TUNAR: variants seen among roughly 807,000 people sequenced by gnomAD.
The protein encoded by TUNAR is transmembrane neural differentiation associated intracellular calcium regulator.
intron 2 of TUNAR, among the ~76,000 whole-genome samples, chr14:95,917,842 C>G (rs1233834651): frequency 6.6e-6 from 1 of 152,142 alleles, no homozygotes; most frequent in Non-Finnish European, 1.5e-5. Flanking sequence ...TTGAAGTGTA[C>G]AGTTTCATGG....
intron 2 of TUNAR, among the ~76,000 whole-genome samples, chr14:95,879,718 T>TC (rs55911033): frequency 1.3e-5 from 2 of 152,160 alleles, no homozygotes; most frequent in African/African-American, 4.8e-5. Flanking sequence ...TTTTTTTTTT[T>TC]CTGTAAGATC....
At chr14:95,884,969 A>G (rs536515202) in intron 2 of TUNAR, among the ~76,000 whole-genome samples, 203 of 152,262 alleles carry the variant, frequency 1.3e-3, no homozygotes, top group African/African-American at 4.6e-3. Context: ...CTGCACTCGA[A>G]AGGATCAATC....
intron 2 of TUNAR, among the ~76,000 whole-genome samples, chr14:95,909,998 T>A (rs911780227): frequency 3.3e-5 from 5 of 152,030 alleles, no homozygotes; most frequent in Admixed American, 2.0e-4. Context: ...TGGGGGGCAT[T>A]TGAGGGCAGG....
intron 2 of TUNAR, among the ~76,000 whole-genome samples, chr14:95,898,813 C>A (rs191271696): frequency 1.3e-5 from 2 of 152,266 alleles, no homozygotes; most frequent in Non-Finnish European, 2.9e-5. Context: ...TTTCTGTCTC[C>A]TCTAAGGTCA....
intron 2 of TUNAR, among the ~76,000 whole-genome samples, chr14:95,886,162 A>G (rs747334185): frequency 2.6e-5 from 4 of 152,226 alleles, no homozygotes; most frequent in Non-Finnish European, 5.9e-5. Flanking sequence ...CAATGCTCCC[A>G]GACCTACATC....
chr14:95,921,499 G>T (rs1318575746), intron 2 of TUNAR, among the ~76,000 whole-genome samples: 1 of 152,210 alleles, frequency 6.6e-6, no homozygotes, highest in Non-Finnish European at 1.5e-5. Context: ...CTCCTGGATG[G>T]CCATGTTTTC....
chr14:95,899,545 T>C (rs976351359), intron 2 of TUNAR, among the ~76,000 whole-genome samples: 1 of 152,232 alleles, frequency 6.6e-6, no homozygotes, highest in Non-Finnish European at 1.5e-5. Flanking sequence ...CAAAATAGCA[T>C]AAATTGAGTG....
In TUNAR at chr14:95,911,798, A is replaced by G. The variant is rs139826262; in HGVS notation, c.13-10983A>G. ...CGGAATGTCTGGTACCTTTTAGCAC[A>G]TCAGGGAGCAAAGATTTAGTTCTGA... On this transcript the variant is annotated intron_variant, in intron 2 of 2. Transcript: ENST00000678517. Among the ~76,000 whole-genome samples, 34 of 152,352 alleles carry G rather than the reference A, an allele frequency of 2.2e-4. No homozygotes were observed. In the East Asian group the frequency reaches 6.5e-3, roughly 29 times the overall value.
intron 2 of TUNAR, among the ~76,000 whole-genome samples, chr14:95,897,054 C>T (rs966994271): frequency 6.6e-5 from 10 of 152,214 alleles, no homozygotes; most frequent in Non-Finnish European, 1.2e-4. Flanking sequence ...TTAACACATG[C>T]ACATTGTCAC....
intron 2 of TUNAR, among the ~76,000 whole-genome samples, chr14:95,877,556 CT>C (rs1888909326): frequency 6.6e-6 from 1 of 152,174 alleles, no homozygotes; most frequent in Non-Finnish European, 1.5e-5. Flanking sequence ...GTCCCCGTTT[CT>C]CCTTGGCCCA....
At chr14:95,908,343 G>T (rs1456060122) in intron 2 of TUNAR, among the ~76,000 whole-genome samples, 2 of 152,190 alleles carry the variant, frequency 1.3e-5, no homozygotes. Flanking sequence ...CAGTGGGGTG[G>T]GGCTCCTGCC....
At chr14:95,913,552 C>G (rs1889553726) in intron 2 of TUNAR, among the ~76,000 whole-genome samples, 1 of 152,104 alleles carries the variant, frequency 6.6e-6, no homozygotes, top group Admixed American at 6.5e-5. Flanking sequence ...AGTGGCTTGG[C>G]AAGGGACAAA....
At chr14:95,915,791 CAAGTGT>C (rs1889595803) in intron 2 of TUNAR, among the ~76,000 whole-genome samples, 1 of 152,222 alleles carries the variant, frequency 6.6e-6, no homozygotes, top group Non-Finnish European at 1.5e-5. Flanking sequence ...TAAAAACTCT[CAAGTGT>C]GCTCATCGGA....
intron 2 of TUNAR, among the ~76,000 whole-genome samples, chr14:95,891,031 G>A (rs886609269): frequency 6.6e-6 from 1 of 152,214 alleles, no homozygotes; most frequent in Non-Finnish European, 1.5e-5. Flanking sequence ...GCTGAAGTTG[G>A]GGGGCAGGGA....
At chr14:95,882,811 G>C (rs902920289) in intron 2 of TUNAR, among the ~76,000 whole-genome samples, 1 of 152,184 alleles carries the variant, frequency 6.6e-6, no homozygotes, top group African/African-American at 2.4e-5. Context: ...TGGGGATCCT[G>C]ATCCACTTCT....
At chr14:95,915,122 G>A (rs1430891586) in intron 2 of TUNAR, among the ~76,000 whole-genome samples, 2 of 152,186 alleles carry the variant, frequency 1.3e-5, no homozygotes, top group African/African-American at 2.4e-5. Flanking sequence ...AGGAGGCTTG[G>A]TTAGCACTGT....
intron 2 of TUNAR, among the ~76,000 whole-genome samples, chr14:95,909,193 T>C (rs1889473643): frequency 6.6e-6 from 1 of 152,164 alleles, no homozygotes; most frequent in African/African-American, 2.4e-5. Flanking sequence ...TTTAAACTTT[T>C]CTCACTCAAC....
chr14:95,878,208 A>G (rs1342312394), intron 2 of TUNAR, among the ~76,000 whole-genome samples: 2 of 152,258 alleles, frequency 1.3e-5, no homozygotes, highest in Admixed American at 6.5e-5. Flanking sequence ...AAAGAAAAGG[A>G]GTTTTAATGC....
intron 2 of TUNAR, among the ~76,000 whole-genome samples, chr14:95,885,508 C>G (rs1251101120): frequency 6.6e-6 from 1 of 152,136 alleles, no homozygotes; most frequent in African/African-American, 2.4e-5. Flanking sequence ...AAGGAATTTC[C>G]TGAGCAGAGT....
Sources: gnomAD v4.1 joint callset for allele counts (sites outside exome capture counted in the v4.1 genomes callset) on GRCh38, gnomAD v4.1.1 for gene constraint, MANE v1.5 for transcripts, NCBI Gene and HGNC (gene_info 2026-07-23, HGNC 2026-07-21) for gene names.